Variants in DCP1A observed in about 807,000 individuals in gnomAD.
The protein encoded by DCP1A is decapping mRNA 1A, also known as mRNA-decapping enzyme 1A.
DCP1A carries 20 observed loss-of-function variants against 58.0 expected under a neutral mutation model. The observed-to-expected ratio is 0.34, with a 90% confidence interval of 0.24 to 0.50. DCP1A has a LOEUF of 0.50. Ranked by LOEUF, DCP1A falls within the 20% of genes least tolerant of loss-of-function variation. The probability of loss-of-function intolerance (pLI) is 0.98; values close to 1 mark genes in which losing one functional copy is unlikely to be tolerated. For synonymous variants in DCP1A, 285 were observed against 275.1 expected, an observed-to-expected ratio of 1.04 and a Z score of -0.36; for missense variants, 613 against 712.2, an observed-to-expected ratio of 0.86 and a Z score of 1.59.
rs1553686065 is a variant in DCP1A at position 53,292,102 on chromosome 3, G to A, written c.1350C>T (p.Ala450=). Residue 450 remains alanine (A), a synonymous_variant, in exon 7 of 10, where the codon GCC becomes GCT. Transcript: ENST00000610213. ...KTAAARVAAS[A]SLSNMVLAPL... ...GAGCAAGCACCATGTTGCTCAGGGA[G>A]GCTGAGGCCGCCACTCTTGCTGCTG... is the stretch of plus-strand genomic sequence containing the variant. The A allele has an allele frequency of 6.2e-7, 1 of 1,613,392 alleles. No individual in the cohort carries two copies. Among genetic ancestry groups the A allele is most frequent in the African/African-American group, 1.3e-5 (1 of 74,956 alleles).
chr3:53,301,278 C>CT (rs200043215), intron 6 of DCP1A, among the ~76,000 whole-genome samples: 7 of 147,952 alleles, frequency 4.7e-5, no homozygotes, highest in African/African-American at 9.9e-5. Context: ...TGGTTTCTTT[C>CT]TTTTTTTTTT....
At chr3:53,323,820 C>G (rs544096274) in intron 3 of DCP1A, among the ~76,000 whole-genome samples, 1 of 148,420 alleles carries the variant, frequency 6.7e-6, no homozygotes, top group South Asian at 2.1e-4. Flanking sequence ...CGAGATCGCA[C>G]CACTGCACTC....
intron 3 of DCP1A, among the ~76,000 whole-genome samples, chr3:53,338,318 A>G (rs192400866): frequency 2.0e-4 from 30 of 152,296 alleles, no homozygotes; most frequent in African/African-American, 6.3e-4. Flanking sequence ...GAGGCTGGAC[A>G]TGGTGGCCCA....
chr3:53,287,901 T>C (rs1227162118), intron 9 of DCP1A, among the ~76,000 whole-genome samples, 164 bp downstream of exon 9: 6 of 152,042 alleles, frequency 3.9e-5, no homozygotes, highest in Admixed American at 3.9e-4. Flanking sequence ...TTTTTTTGCC[T>C]GCCTTGGCCT....
At chr3:53,296,174 C>G (rs1031534041) in intron 6 of DCP1A, among the ~76,000 whole-genome samples, 1 of 152,170 alleles carries the variant, frequency 6.6e-6, no homozygotes, top group Admixed American at 6.5e-5. Context: ...GGATTACAGG[C>G]ATGAGCCACC....
intron 6 of DCP1A, among the ~76,000 whole-genome samples, chr3:53,294,823 T>C (rs1707061712): frequency 1.3e-5 from 2 of 152,208 alleles, no homozygotes; most frequent in Non-Finnish European, 2.9e-5. Context: ...GTGTGTTTAA[T>C]GTCAGCACTC....
At chr3:53,302,673 A>C (rs1245943884) in intron 6 of DCP1A, among the ~76,000 whole-genome samples, 1 of 152,186 alleles carries the variant, frequency 6.6e-6, no homozygotes, top group East Asian at 1.9e-4. Context: ...CCTAGGCTGG[A>C]GTGCAGTGGC....
chr3:53,345,817 T>C (rs1328673338), intron 1 of DCP1A, among the ~76,000 whole-genome samples: 2 of 152,128 alleles, frequency 1.3e-5, no homozygotes, highest in African/African-American at 4.8e-5. Context: ...TTCTTACCTT[T>C]AAAATGTTAG....
intron 6 of DCP1A, among the ~76,000 whole-genome samples, chr3:53,297,381 G>A (rs1405217342): frequency 7.0e-6 from 1 of 141,850 alleles, no homozygotes; most frequent in African/African-American, 2.6e-5. Context: ...TTTAATTTTT[G>A]AGATGGAGTC....
rs1706577907 is a variant in DCP1A, at chr3:53,284,967, A to C, written c.*2613T>G. ...GAAGAAGAGCTTCTGCCTTAAAGGAACAAGGCTGTCTGGGAGGCCTGAGAG... is the reference window on the plus strand; with the variant it reads ...GAAGAAGAGCTTCTGCCTTAAAGGACCAAGGCTGTCTGGGAGGCCTGAGAG... On this transcript the variant is annotated 3_prime_UTR_variant, in exon 10 of 10. Coordinates refer to ENST00000610213, the MANE Select transcript of DCP1A (RefSeq NM_018403.7). 1 of 152,198 alleles carries C rather than the reference A, an allele frequency of 6.6e-6. No homozygotes were observed. Among genetic ancestry groups the C allele is most frequent in the Non-Finnish European group, 1.5e-5 (1 of 68,050 alleles). The allele number at this position is 152,198 out of a possible 1,614,324, so 9.4% of individuals were successfully genotyped here. A position where few individuals can be genotyped will look rare whatever the true frequency, so the allele number is the denominator to read the frequency against.
intron 6 of DCP1A, among the ~76,000 whole-genome samples, chr3:53,299,814 C>CAAT (rs1322999398): frequency 6.6e-6 from 1 of 152,204 alleles, no homozygotes; most frequent in Non-Finnish European, 1.5e-5. Flanking sequence ...TGACTTCTGA[C>CAAT]AATATCCAGA....
At chr3:53,304,054 C>A in intron 6 of DCP1A, 123 bp downstream of exon 6, 1 of 666,872 alleles carries the variant, frequency 1.5e-6, no homozygotes. Context: ...AGGAGGATGT[C>A]ATTATGTTGC....
In DCP1A at chr3:53,317,259, G is replaced by A. The variant is rs550033714; in HGVS notation, c.371+2148C>T. On this transcript the variant is annotated intron_variant, in intron 4 of 9. Transcript: ENST00000610213. ...TGGCTCACCGCAACCTCCAGCTTCC[G>A]GGTTCAAGTGATTCTCTCGCCTCAG... Among the ~76,000 whole-genome samples, 13 of 152,230 alleles carry A rather than the reference G, an allele frequency of 8.5e-5. No homozygotes were observed. In the East Asian group the frequency reaches 1.2e-3, roughly 14 times the overall value.
At chr3:53,312,129 A>G (rs1418017458) in intron 5 of DCP1A, 112 bp downstream of exon 5, 13 of 1,232,034 alleles carry the variant, frequency 1.1e-5, no homozygotes, top group South Asian at 9.4e-5. Context: ...TTTTGAACTT[A>G]TATTTCTGCC....
chr3:53,323,119 C>T (rs1326278234), intron 3 of DCP1A, among the ~76,000 whole-genome samples: 3 of 152,258 alleles, frequency 2.0e-5, no homozygotes, highest in East Asian at 1.9e-4. Flanking sequence ...CCACCGCGCC[C>T]GGCCGAGTTT....
intron 3 of DCP1A, among the ~76,000 whole-genome samples, chr3:53,330,468 G>A (rs1017319692): frequency 4.0e-5 from 6 of 151,764 alleles, no homozygotes; most frequent in Admixed American, 2.0e-4. Flanking sequence ...AGTGGCTGAG[G>A]ATGGAGGATC....
chr3:53,340,603 A>T (rs1190391812), intron 3 of DCP1A, among the ~76,000 whole-genome samples: 1 of 143,172 alleles, frequency 7.0e-6, no homozygotes, highest in Non-Finnish European at 1.5e-5. Flanking sequence ...ATTCAAACAC[A>T]TTAACTTTTA....
intron 3 of DCP1A, chr3:53,329,054 C>T (rs1459730622): frequency 3.5e-6 from 1 of 287,092 alleles, no homozygotes; most frequent in Non-Finnish European, 6.4e-6. Context: ...TTTATGAATT[C>T]CTCTTTCAGT....
At chr3:53,289,377 T>G (rs1553685657) in intron 8 of DCP1A, among the ~76,000 whole-genome samples, 1 of 151,318 alleles carries the variant, frequency 6.6e-6, no homozygotes, top group Non-Finnish European at 1.5e-5. Context: ...TTGGGAGGCC[T>G]AGGTGGGAGG....
Sources: gnomAD v4.1 joint callset for allele counts (sites outside exome capture counted in the v4.1 genomes callset) on GRCh38, gnomAD v4.1.1 for gene constraint, MANE v1.5 for transcripts, NCBI Gene and HGNC (gene_info 2026-07-23, HGNC 2026-07-21) for gene names.